The following XPO1 variants were observed in gnomAD, a reference collection of about 807,000 sequenced individuals.
XPO1 encodes the protein exportin 1.
In XPO1, 5 loss-of-function variants were observed where a neutral mutation model predicts 133.3. The observed-to-expected ratio is 0.04, with a 90% confidence interval of 0.02 to 0.08. The LOEUF is 0.08. Ranked by LOEUF, XPO1 falls within the 10% of genes least tolerant of loss-of-function variation. The pLI is 1.00. For synonymous variants in XPO1, 419 were observed against 408.2 expected, an observed-to-expected ratio of 1.03 and a Z score of -0.32; for missense variants, 506 against 1,267.5, an observed-to-expected ratio of 0.40 and a Z score of 9.12.
chr2:61,525,288 C>T, intron 3 of XPO1: 1 of 985,808 alleles, frequency 1.0e-6, no homozygotes, highest in Non-Finnish European at 1.2e-6. Context: ...GGCCTGCCGT[C>T]AAAGCCTAGC....
intron 11 of XPO1, chr2:61,494,631 T>C (rs1459838323): frequency 1.3e-5 from 2 of 152,406 alleles, no homozygotes; most frequent in African/African-American, 2.4e-5. Context: ...TTGCCAGAAG[T>C]TGGGGAGAGA....
chr2:61,479,903 C>T (rs1331833642), intron 24 of XPO1, among the ~76,000 whole-genome samples: 5 of 151,674 alleles, frequency 3.3e-5, no homozygotes, highest in Admixed American at 1.3e-4. Flanking sequence ...CTTGCTCTGT[C>T]GCCCAGGCTG....
intron 12 of XPO1, 54 bp downstream of exon 12, chr2:61,493,840 A>G: frequency 6.4e-7 from 1 of 1,571,828 alleles, no homozygotes; most frequent in Non-Finnish European, 8.7e-7. Flanking sequence ...TTGGATTCAG[A>G]CCTCAAAACC....
chr2:61,502,091 A>C (rs1420857785), intron 5 of XPO1, 51 bp from the exon 6 acceptor site: 8 of 1,550,048 alleles, frequency 5.2e-6, no homozygotes, highest in Non-Finnish European at 7.0e-6. Context: ...TATAAATAAG[A>C]ATATAACCAG....
intron 2 of XPO1, among the ~76,000 whole-genome samples, chr2:61,532,328 C>T (rs531625267): frequency 1.8e-4 from 28 of 151,946 alleles, no homozygotes; most frequent in East Asian, 7.9e-4. Context: ...GGGGTTTCAC[C>T]GTGTTAGCCA....
chr2:61,530,909 C>G (rs1321140084), intron 2 of XPO1, among the ~76,000 whole-genome samples: 5 of 152,118 alleles, frequency 3.3e-5, no homozygotes, highest in Non-Finnish European at 5.9e-5. Context: ...TAAATGTACC[C>G]TTTAAGCTGA....
At chr2:61,530,711 C>T (rs1043222325) in intron 2 of XPO1, among the ~76,000 whole-genome samples, 19 of 151,386 alleles carry the variant, frequency 1.3e-4, no homozygotes, top group African/African-American at 4.6e-4. Flanking sequence ...TCCCCTCCCC[C>T]AAGTTACACA....
intron 17 of XPO1, among the ~76,000 whole-genome samples, chr2:61,489,230 A>G (rs1392360590): frequency 6.6e-6 from 1 of 152,040 alleles, no homozygotes; most frequent in Non-Finnish European, 1.5e-5. Flanking sequence ...CCTGACCAAC[A>G]TGGAGAAACC....
intron 23 of XPO1, among the ~76,000 whole-genome samples, chr2:61,481,673 G>C (rs893396237): frequency 6.6e-6 from 1 of 151,702 alleles, no homozygotes; most frequent in Non-Finnish European, 1.5e-5. Context: ...TCAAACTCCT[G>C]ACCTCAGGTA....
At chr2:61,479,959 G>A (rs1196613453) in intron 24 of XPO1, among the ~76,000 whole-genome samples, 1 of 152,074 alleles carries the variant, frequency 6.6e-6, no homozygotes, top group South Asian at 2.1e-4. Context: ...CTGCCTCCTG[G>A]GTTCAAGTGA....
In XPO1 at chr2:61,477,933, A is replaced by C. The variant is rs1377074714; in HGVS notation, c.*887T>G. Reference sequence around the variant, plus strand: ...GAATAAATGAGTCAATAAAGGAAAAATAAATGTAAACCAAGTTTATTTTGC... The same window carrying C: ...GAATAAATGAGTCAATAAAGGAAAACTAAATGTAAACCAAGTTTATTTTGC... On this transcript the variant is annotated 3_prime_UTR_variant, in exon 25 of 25. Transcript: ENST00000401558. 2 of 224,748 alleles carry C rather than the reference A, an allele frequency of 8.9e-6. No homozygotes were observed. Among genetic ancestry groups the C allele is most frequent in the African/African-American group, 2.2e-5 (1 of 44,962 alleles). The allele number at this position is 224,748 out of a possible 1,614,324, so 13.9% of individuals were successfully genotyped here.
intron 19 of XPO1, 121 bp from the exon 20 acceptor site, chr2:61,486,083 T>C (rs60155512): frequency 1.0e-6 from 1 of 991,902 alleles, no homozygotes; most frequent in African/African-American, 1.6e-5. Flanking sequence ...AGGAAAATCT[T>C]GTGTTTGTAT....
At chr2:61,525,410 G>A in intron 3 of XPO1, 1 of 992,428 alleles carries the variant, frequency 1.0e-6, no homozygotes, top group Non-Finnish European at 1.2e-6. Context: ...AAAAAAAAAT[G>A]ATTGCATAAA....
At chr2:61,514,885 GC>G (rs750653325) in intron 4 of XPO1, among the ~76,000 whole-genome samples, 2 of 151,900 alleles carry the variant, frequency 1.3e-5, no homozygotes, top group African/African-American at 2.4e-5. Context: ...GACCAGCCAG[GC>G]CAATATGGCG....
intron 4 of XPO1, among the ~76,000 whole-genome samples, chr2:61,510,363 G>T (rs1698028686): frequency 6.6e-6 from 1 of 152,132 alleles, no homozygotes; most frequent in Non-Finnish European, 1.5e-5. Context: ...TTACACAAGG[G>T]TATACAGGAT....
chr2:61,477,905 T>G lies in XPO1; in HGVS notation c.*915A>C, dbSNP rs190455276. Reference sequence around the variant, plus strand: ...ACACAAATACCCACTATCATTAATATAGGAATAAATGAGTCAATAAAGGAA... The same window carrying G: ...ACACAAATACCCACTATCATTAATAGAGGAATAAATGAGTCAATAAAGGAA... On this transcript the variant is annotated 3_prime_UTR_variant, in exon 25 of 25. Coordinates refer to ENST00000401558, the MANE Select transcript of XPO1 (RefSeq NM_003400.4). 4.7e-6 allele frequency: 1 copy of G among 213,472 alleles called. No individual in the cohort carries two copies. Among genetic ancestry groups the G allele is most frequent in the Admixed American group, 5.9e-5 (1 of 17,058 alleles). 13.2% of individuals were successfully genotyped at this position (213,472 alleles called of 1,614,324 possible). A position where few individuals can be genotyped will look rare whatever the true frequency, so the allele number is the denominator to read the frequency against.
At chr2:61,501,856 C>G in intron 6 of XPO1, 140 bp downstream of exon 6, 1 of 631,900 alleles carries the variant, frequency 1.6e-6, no homozygotes. Context: ...AAGTACTAGA[C>G]AGTAGGTTAC....
chr2:61,521,690 G>T (rs1332247745), intron 4 of XPO1, among the ~76,000 whole-genome samples: 1 of 152,144 alleles, frequency 6.6e-6, no homozygotes, highest in African/African-American at 2.4e-5. Flanking sequence ...AGGCAAAACA[G>T]CTTTGTGATC....
chr2:61,483,992 A>G lies in XPO1; in HGVS notation c.2622T>C (p.Val874=). The change falls in exon 21 of 25, where the codon GTT becomes GTC. Residue 874 remains valine (V), a synonymous_variant. Coordinates refer to ENST00000401558, the MANE Select transcript of XPO1 (RefSeq NM_003400.4). ...LAIPPTQFKL[V]LDSIIWAFKH... ...TGAAAGCCCAAATGATGGAATCCAA[A>G]ACAAGTTTAAACTGTGTAGGTGGAA... 1.9e-6 allele frequency: 3 copies of G among 1,613,988 alleles called. No individual in the cohort carries two copies. Among genetic ancestry groups the G allele is most frequent in the Non-Finnish European group, 2.5e-6 (3 of 1,179,916 alleles).
Sources: gnomAD v4.1 joint callset for allele counts (sites outside exome capture counted in the v4.1 genomes callset) on GRCh38, gnomAD v4.1.1 for gene constraint, MANE v1.5 for transcripts, NCBI Gene and HGNC (gene_info 2026-07-23, HGNC 2026-07-21) for gene names.